Variants in RANBP2 observed in about 807,000 individuals in gnomAD.
RANBP2 encodes the protein E3 SUMO-protein ligase RanBP2.
A neutral mutation model predicts 303.6 loss-of-function variants in RANBP2; 57 were observed. The ratio of observed to expected loss-of-function variants is 0.19; its 90% CI spans 0.15 to 0.23. The LOEUF (loss-of-function observed/expected upper bound fraction) is 0.23. Among genes scored for constraint, RANBP2 ranks in the 10% least tolerant of loss-of-function variants. The pLI, the probability that RANBP2 is intolerant of heterozygous loss-of-function variation, is 1.00. For missense variants in RANBP2, 3,138 were observed against 3,780.8 expected, an observed-to-expected ratio of 0.83 and a Z score of 4.46; for synonymous variants, 1,167 against 1,301.5, an observed-to-expected ratio of 0.90 and a Z score of 2.23.
At chr2:109,196,620 TGCTGC>T in the RANBP2 span, among the ~76,000 whole-genome samples, 1 of 152,202 alleles carries the variant, frequency 6.6e-6, no homozygotes, top group Non-Finnish European at 1.5e-5. Flanking sequence ...CTCCGAGTGC[TGCTGC>T]GCTGTGGTTG....
At chr2:109,259,732 CT>C in the RANBP2 span, among the ~76,000 whole-genome samples, 4 of 152,224 alleles carry the variant, frequency 2.6e-5, no homozygotes, top group Non-Finnish European at 4.4e-5. Context: ...CTTTTCACTT[CT>C]TTTTCTTCAT....
chr2:108,786,672 A>T, downstream of RANBP2: 1 of 675,022 alleles, frequency 1.5e-6, no homozygotes, highest in Admixed American at 2.5e-5. Flanking sequence ...GCCGGGCTGC[A>T]GTCTCCGGGT....
the RANBP2 span, among the ~76,000 whole-genome samples, chr2:109,387,914 G>T: frequency 6.6e-6 from 1 of 151,638 alleles, no homozygotes; most frequent in Non-Finnish European, 1.5e-5. Context: ...TTCCTGACTC[G>T]TTCCACTGCT....
the RANBP2 span, among the ~76,000 whole-genome samples, chr2:109,486,050 A>G: frequency 6.6e-6 from 1 of 152,216 alleles, no homozygotes; most frequent in South Asian, 2.1e-4. Flanking sequence ...CCCTGCTTTC[A>G]ACCCATGTGT....
the RANBP2 span, among the ~76,000 whole-genome samples, chr2:109,102,974 C>G: frequency 1.3e-5 from 2 of 152,124 alleles, no homozygotes; most frequent in Non-Finnish European, 2.9e-5. Context: ...ATAAAACACT[C>G]AGGTCGCTTT....
chr2:108,870,636 C>T, the RANBP2 span, among the ~76,000 whole-genome samples: 1 of 152,140 alleles, frequency 6.6e-6, no homozygotes, highest in African/African-American at 2.4e-5. Context: ...ATACGGTAGA[C>T]TATTATTCAG....
At chr2:108,769,545 G>A (rs1278195423) in intron 20 of RANBP2, among the ~76,000 whole-genome samples, 1 of 149,776 alleles carries the variant, frequency 6.7e-6, no homozygotes, top group African/African-American at 2.5e-5. Flanking sequence ...CTGGGATGCT[G>A]ATTTGTAATG....
the RANBP2 span, among the ~76,000 whole-genome samples, chr2:109,063,056 G>A: frequency 2.6e-5 from 4 of 152,120 alleles, no homozygotes; most frequent in Non-Finnish European, 2.9e-5. Context: ...CGCCTTCCTC[G>A]CCTTGTCCAC....
chr2:109,373,261 C>T, the RANBP2 span, among the ~76,000 whole-genome samples: 2 of 152,220 alleles, frequency 1.3e-5, no homozygotes, highest in Non-Finnish European at 2.9e-5. Flanking sequence ...CTTACAATGT[C>T]GTCCAGAAGT....
the RANBP2 span, among the ~76,000 whole-genome samples, chr2:109,239,366 C>A: frequency 6.6e-6 from 1 of 152,158 alleles, no homozygotes; most frequent in South Asian, 2.1e-4. Context: ...CCAAAGTAGT[C>A]ATTTCTTTCT....
At chr2:108,929,095 G>T in the RANBP2 span, 1 of 1,342,868 alleles carries the variant, frequency 7.4e-7, no homozygotes, top group South Asian at 1.2e-5. Context: ...CTGCACCGAG[G>T]CCTGCAGTAT....
chr2:109,037,215 T>TC, the RANBP2 span, among the ~76,000 whole-genome samples: 4 of 150,782 alleles, frequency 2.7e-5, no homozygotes, highest in African/African-American at 9.8e-5. Context: ...TCCCAGCTAC[T>TC]CGGGAGGCTG....
chr2:108,855,660 T>G, the RANBP2 span, among the ~76,000 whole-genome samples: 1 of 152,134 alleles, frequency 6.6e-6, no homozygotes, highest in Non-Finnish European at 1.5e-5. Context: ...AAAAATGGAG[T>G]GTACTATAAT....
chr2:108,934,608 G>A, the RANBP2 span, among the ~76,000 whole-genome samples: 3 of 152,182 alleles, frequency 2.0e-5, no homozygotes, highest in Non-Finnish European at 4.4e-5. Flanking sequence ...AAGAGCGACT[G>A]GCTGCATCCG....
chr2:109,460,549 A>G, the RANBP2 span, among the ~76,000 whole-genome samples: 1 of 152,186 alleles, frequency 6.6e-6, no homozygotes, highest in Admixed American at 6.5e-5. Flanking sequence ...TGGCTGAGGA[A>G]AGAGGCTCAG....
At chr2:109,135,869 T>C in the RANBP2 span, among the ~76,000 whole-genome samples, 2 of 152,080 alleles carry the variant, frequency 1.3e-5, no homozygotes, top group Admixed American at 6.5e-5. Context: ...CAAACTTCAT[T>C]AAAAGGGAAA....
chr2:108,858,965 C>T, the RANBP2 span, among the ~76,000 whole-genome samples: 5 of 152,284 alleles, frequency 3.3e-5, no homozygotes, highest in African/African-American at 1.2e-4. Flanking sequence ...ATTTTGAATA[C>T]AGCTGCTGCA....
At chr2:109,108,358 C>A in the RANBP2 span, among the ~76,000 whole-genome samples, 2 of 152,182 alleles carry the variant, frequency 1.3e-5, no homozygotes, top group African/African-American at 4.8e-5. Flanking sequence ...TTTTAAAACT[C>A]TCCTTTTCTT....
chr2:108,871,147 T>G, the RANBP2 span, among the ~76,000 whole-genome samples: 3 of 152,058 alleles, frequency 2.0e-5, no homozygotes, highest in Non-Finnish European at 4.4e-5. Flanking sequence ...AAGGAAATAC[T>G]TTTACAGAAA....
Sources: allele counts gnomAD v4.1 joint callset (sites outside exome capture counted in the v4.1 genomes callset), GRCh38; gene constraint gnomAD v4.1.1; transcripts MANE v1.5; gene names NCBI Gene and HGNC (gene_info 2026-07-23, HGNC 2026-07-21).